HHAT: variants seen among roughly 807,000 people sequenced by gnomAD.
The protein encoded by HHAT is protein-cysteine N-palmitoyltransferase HHAT.
A neutral mutation model predicts 70.8 loss-of-function variants in HHAT; 47 were observed. The ratio of observed to expected loss-of-function variants is 0.66; its 90% confidence interval spans 0.53 to 0.85. HHAT has a LOEUF of 0.85. Ranked by LOEUF, HHAT falls within the 40% of genes least tolerant of loss-of-function variation. HHAT has a pLI of 0.00. For synonymous variants in HHAT, 228 were observed against 247.6 expected (o/e 0.92, Z 0.74); for missense variants, 609 against 604.8 (o/e 1.01, Z -0.07).
At chr1:210,438,619 G>A (rs543216503) in intron 7 of HHAT, among the ~76,000 whole-genome samples, 119 of 151,750 alleles carry the variant, frequency 7.8e-4, no homozygotes, top group Admixed American at 2.8e-3. Flanking sequence ...TTTTCTTACG[G>A]TTATTTGGCT....
intron 10 of HHAT, among the ~76,000 whole-genome samples, chr1:210,606,601 T>TG (rs1170444432): frequency 6.6e-6 from 1 of 152,220 alleles, no homozygotes; most frequent in African/African-American, 2.4e-5. Flanking sequence ...GTTGCACTGA[T>TG]GCTTCCCTTC....
At chr1:210,665,606 G>A (rs1256079938) in intron 11 of HHAT, among the ~76,000 whole-genome samples, 4 of 152,218 alleles carry the variant, frequency 2.6e-5, no homozygotes, top group African/African-American at 9.6e-5. Flanking sequence ...ACTTGCCTTG[G>A]TGGAAGGAGG....
At chr1:210,369,132 A>AG (rs1259568376) in intron 3 of HHAT, among the ~76,000 whole-genome samples, 2 of 152,180 alleles carry the variant, frequency 1.3e-5, no homozygotes, top group Non-Finnish European at 2.9e-5. Context: ...TGTAGCAAGG[A>AG]GGTAACGTTC....
At chr1:210,552,833 T>C (rs143246968) in intron 9 of HHAT, among the ~76,000 whole-genome samples, 105 of 152,296 alleles carry the variant, frequency 6.9e-4, no homozygotes, top group African/African-American at 2.4e-3. Context: ...CTCATTCTCC[T>C]TGAGAAACCT....
intron 9 of HHAT, among the ~76,000 whole-genome samples, chr1:210,513,686 A>T (rs1038547502): frequency 3.9e-5 from 6 of 152,234 alleles, no homozygotes; most frequent in African/African-American, 1.4e-4. Context: ...ATTAATTTCA[A>T]ATAGCTGTTA....
chr1:210,428,779 C>G (rs1364380278), intron 7 of HHAT, among the ~76,000 whole-genome samples: 1 of 151,726 alleles, frequency 6.6e-6, no homozygotes, highest in Non-Finnish European at 1.5e-5. Flanking sequence ...GAGTTTGAGA[C>G]CAGCCTGGGC....
intron 4 of HHAT, among the ~76,000 whole-genome samples, chr1:210,390,409 T>C (rs989653919): frequency 6.6e-6 from 1 of 152,208 alleles, no homozygotes; most frequent in Non-Finnish European, 1.5e-5. Flanking sequence ...TCGTTTCTTA[T>C]TAGGAAGATA....
intron 9 of HHAT, among the ~76,000 whole-genome samples, 191 bp downstream of exon 9, chr1:210,513,379 T>C (rs1171905394): frequency 6.6e-6 from 1 of 152,208 alleles, no homozygotes; most frequent in Non-Finnish European, 1.5e-5. Flanking sequence ...AAGAAATCAA[T>C]GTTTAAAGAG....
intron 9 of HHAT, among the ~76,000 whole-genome samples, chr1:210,582,606 C>A (rs112914799): frequency 6.6e-6 from 1 of 152,144 alleles, no homozygotes; most frequent in East Asian, 1.9e-4. Context: ...CACTGTAGGG[C>A]GTATATTTGT....
intron 11 of HHAT, among the ~76,000 whole-genome samples, chr1:210,653,175 T>C (rs1343112624): frequency 6.6e-6 from 1 of 152,128 alleles, no homozygotes; most frequent in Non-Finnish European, 1.5e-5. Context: ...TCCCAAGATA[T>C]AGAACCTTAA....
intron 1 of HHAT, among the ~76,000 whole-genome samples, chr1:210,341,637 C>T (rs183032699): frequency 1.2e-4 from 18 of 152,232 alleles, no homozygotes; most frequent in African/African-American, 4.3e-4. Context: ...TGAGAGGATC[C>T]GAGTAGATGG....
At chr1:210,494,234 G>A (rs2094595898) in intron 8 of HHAT, among the ~76,000 whole-genome samples, 1 of 152,196 alleles carries the variant, frequency 6.6e-6, no homozygotes, top group Non-Finnish European at 1.5e-5. Context: ...GTAGAGGAGT[G>A]ATGTGTCTTG....
At chr1:210,669,876 G>A (rs1176004540) in intron 11 of HHAT, among the ~76,000 whole-genome samples, 1 of 152,192 alleles carries the variant, frequency 6.6e-6, no homozygotes, top group East Asian at 1.9e-4. Flanking sequence ...CAGAGAATGT[G>A]AGAGTATGTA....
chr1:210,650,473 T>C (rs1022358778), intron 11 of HHAT, among the ~76,000 whole-genome samples: 1 of 152,154 alleles, frequency 6.6e-6, no homozygotes, highest in Non-Finnish European at 1.5e-5. Flanking sequence ...CAAAAATTCA[T>C]TTGTAAAGGT....
intron 8 of HHAT, among the ~76,000 whole-genome samples, chr1:210,490,942 G>T (rs2148512342): frequency 6.6e-6 from 1 of 151,906 alleles, no homozygotes; most frequent in South Asian, 2.1e-4. Context: ...AAGGAGCATA[G>T]GAAAAAAAAT....
At chr1:210,578,986 A>C (rs1184970478) in intron 9 of HHAT, among the ~76,000 whole-genome samples, 1 of 152,200 alleles carries the variant, frequency 6.6e-6, no homozygotes, top group Non-Finnish European at 1.5e-5. Context: ...CATGGAAAAC[A>C]ATGAGATCAT....
chr1:210,425,285 C>T (rs1233729235), intron 7 of HHAT, among the ~76,000 whole-genome samples: 4 of 152,116 alleles, frequency 2.6e-5, no homozygotes, highest in Non-Finnish European at 2.9e-5. Flanking sequence ...AATTTTCTCC[C>T]ATTTTGTAGG....
intron 9 of HHAT, among the ~76,000 whole-genome samples, chr1:210,544,097 CTT>C (rs2095458396): frequency 2.0e-5 from 3 of 152,058 alleles, no homozygotes; most frequent in South Asian, 4.1e-4. Flanking sequence ...AGAAAAGACT[CTT>C]TATTTTCTGC....
chr1:210,635,579 A>G (rs1671720879), intron 11 of HHAT, among the ~76,000 whole-genome samples: 1 of 152,332 alleles, frequency 6.6e-6, no homozygotes, highest in Non-Finnish European at 1.5e-5. Flanking sequence ...GACAGAAAAG[A>G]TGGAAGAAGA....
Sources: gnomAD v4.1 joint callset for allele counts (sites outside exome capture counted in the v4.1 genomes callset) on GRCh38, gnomAD v4.1.1 for gene constraint, MANE v1.5 for transcripts, NCBI Gene and HGNC (gene_info 2026-07-23, HGNC 2026-07-21) for gene names.